Variants in STK3 observed in about 807,000 individuals in gnomAD.
The protein encoded by STK3 is serine/threonine-protein kinase 3.
In STK3, 41 loss-of-function variants were observed where a neutral mutation model predicts 58.0. The observed-to-expected ratio is 0.71, with a 90% CI of 0.55 to 0.92. The LOEUF is 0.92. STK3 is among the 40% of genes least tolerant of loss of function. STK3 has a pLI of 0.00. For synonymous variants in STK3, 170 were observed against 191.0 expected (o/e 0.89, Z 0.91); for missense variants, 479 against 602.7 (o/e 0.79, Z 2.15).
chr8:98,804,260 C>T (rs1833768709), intron 1 of STK3, among the ~76,000 whole-genome samples: 2 of 152,196 alleles, frequency 1.3e-5, no homozygotes, highest in Admixed American at 6.5e-5. Context: ...CCTCGGCCTC[C>T]CAAAGTGCTG....
intron 10 of STK3, among the ~76,000 whole-genome samples, chr8:98,514,391 T>A (rs1824764130): frequency 6.6e-6 from 1 of 152,094 alleles, no homozygotes; most frequent in South Asian, 2.1e-4. Context: ...TTCAGATATA[T>A]TGCCAATGAG....
At chr8:98,443,164 C>T (rs1483756407) in intron 1 of STK3, among the ~76,000 whole-genome samples, 2 of 152,110 alleles carry the variant, frequency 1.3e-5, no homozygotes, top group African/African-American at 2.4e-5. Context: ...CATGTCTCTC[C>T]CTTTAGAAAC....
At chr8:98,582,088 A>C (rs962388273) in intron 7 of STK3, among the ~76,000 whole-genome samples, 5 of 152,160 alleles carry the variant, frequency 3.3e-5, no homozygotes, top group African/African-American at 1.2e-4. Flanking sequence ...AAAAGAATAA[A>C]CTTTTCAAGC....
At chr8:98,456,242 T>C (rs1238474768) in intron 10 of STK3, among the ~76,000 whole-genome samples, 2 of 152,214 alleles carry the variant, frequency 1.3e-5, no homozygotes, top group Non-Finnish European at 2.9e-5. Context: ...CCTCTGCCTT[T>C]AATAAAGGGC....
chr8:98,517,481 T>C (rs1312833792), intron 10 of STK3, among the ~76,000 whole-genome samples: 2 of 151,972 alleles, frequency 1.3e-5, no homozygotes, highest in Non-Finnish European at 2.9e-5. Flanking sequence ...CCCCAAACAA[T>C]GATGTGCATA....
At chr8:98,483,803 T>C (rs1822025184) in intron 10 of STK3, among the ~76,000 whole-genome samples, 1 of 152,184 alleles carries the variant, frequency 6.6e-6, no homozygotes, top group Admixed American at 6.5e-5. Context: ...TTGGGTATCT[T>C]AAATTGGTAC....
At chr8:98,510,410 C>G (rs1468187204) in intron 10 of STK3, among the ~76,000 whole-genome samples, 1 of 151,964 alleles carries the variant, frequency 6.6e-6, no homozygotes, top group African/African-American at 2.4e-5. Flanking sequence ...CTGCTCCCTA[C>G]CCTCACCCAT....
At chr8:98,919,241 G>A (rs1290986312) in intron 1 of STK3, among the ~76,000 whole-genome samples, 2 of 152,182 alleles carry the variant, frequency 1.3e-5, no homozygotes, top group Non-Finnish European at 2.9e-5. Context: ...TGAGGCTAAT[G>A]TCTCTATCTC....
At chr8:98,701,914 C>A (rs1232372231) in intron 6 of STK3, among the ~76,000 whole-genome samples, 1 of 152,062 alleles carries the variant, frequency 6.6e-6, no homozygotes, top group African/African-American at 2.4e-5. Flanking sequence ...TAGACTTACT[C>A]CCATTTGCCA....
At chr8:98,825,281 T>A (rs1330906562) in intron 1 of STK3, among the ~76,000 whole-genome samples, 1 of 152,048 alleles carries the variant, frequency 6.6e-6, no homozygotes, top group South Asian at 2.1e-4. Flanking sequence ...CCCACCCGAC[T>A]TTCCACGCGC....
downstream of STK3, among the ~76,000 whole-genome samples, chr8:98,399,525 C>T (rs567465291): frequency 1.3e-5 from 2 of 152,364 alleles, no homozygotes; most frequent in South Asian, 4.1e-4. Flanking sequence ...TGCCATGCCC[C>T]AAGCGGGCCC....
At chr8:98,587,983 T>C (rs546580808) in intron 7 of STK3, among the ~76,000 whole-genome samples, 5 of 152,210 alleles carry the variant, frequency 3.3e-5, no homozygotes, top group Non-Finnish European at 5.9e-5. Context: ...ATTTTTAGCC[T>C]ATGTGTGTCT....
chr8:98,387,759 TA>T (rs756459027), intron 1 of STK3, among the ~76,000 whole-genome samples: 5 of 151,522 alleles, frequency 3.3e-5, no homozygotes, highest in African/African-American at 1.2e-4. Flanking sequence ...AATAAATAAA[TA>T]AAAGACCTAG....
rs573915551 is a variant in STK3 at position 98,592,052 on chromosome 8, T to C, written c.822+3980A>G. On this transcript the variant is annotated intron_variant, in intron 7 of 10. Coordinates refer to ENST00000419617, the MANE Select transcript of STK3 (RefSeq NM_006281.4). ...ACTCAGGTCCTTAACAATTCACACC[T>C]GTATTATTACAGTGCCTCCTCATTC... Among the ~76,000 whole-genome samples, 42 of 152,356 alleles carry C rather than the reference T, an allele frequency of 2.8e-4. 1 individual carries two copies. The South Asian group carries it at 7.3e-3, about 26-fold the overall frequency.
rs1476558007 is a variant in STK3, at chr8:98,548,946, C to CT, written c.949-786dup. ...ATATTGTGGTAGAAAAATTTCATTC[C>CT]TTTTTAAGGCTGAATGATATTCCAT... On this transcript the variant is annotated intron_variant, in intron 8 of 10. Transcript: ENST00000419617. Among the ~76,000 whole-genome samples the CT allele has an allele frequency of 1.4e-4, 21 of 152,124 alleles. No individual in the cohort carries two copies. In the South Asian group the frequency reaches 3.5e-3, roughly 26 times the overall value.
chr8:98,429,402 T>G, intron 3 of STK3: 6 of 1,608,070 alleles, frequency 3.7e-6, no homozygotes, highest in Non-Finnish European at 4.3e-6. Flanking sequence ...TTTAAATGAT[T>G]CCCTACGTTA....
At chr8:98,811,300 C>T (rs1335618906) in intron 1 of STK3, among the ~76,000 whole-genome samples, 1 of 152,262 alleles carries the variant, frequency 6.6e-6, no homozygotes, top group Non-Finnish European at 1.5e-5. Flanking sequence ...TCTCTTCTGG[C>T]AGATTTCCCT....
intron 1 of STK3, among the ~76,000 whole-genome samples, chr8:98,936,552 C>G (rs1033993175): frequency 9.2e-5 from 14 of 152,322 alleles, no homozygotes; most frequent in Admixed American, 8.5e-4. Context: ...AACCAATGCC[C>G]TTAATATATT....
intron 6 of STK3, among the ~76,000 whole-genome samples, chr8:98,648,507 G>A (rs888017210): frequency 2.0e-5 from 3 of 152,120 alleles, no homozygotes; most frequent in Non-Finnish European, 2.9e-5. Context: ...TCCAAGAAAA[G>A]AAGTAAATGT....
Sources: allele counts gnomAD v4.1 joint callset (sites outside exome capture counted in the v4.1 genomes callset), GRCh38; gene constraint gnomAD v4.1.1; transcripts MANE v1.5; gene names NCBI Gene and HGNC (gene_info 2026-07-23, HGNC 2026-07-21).